The following CPD variants were observed in gnomAD, a reference collection of about 807,000 sequenced individuals.
The protein encoded by CPD is carboxypeptidase D.
In CPD, 69 loss-of-function variants were observed where a neutral mutation model predicts 138.3. The ratio of observed to expected loss-of-function variants is 0.50; its 90% CI spans 0.41 to 0.61. The LOEUF (loss-of-function observed/expected upper bound fraction) is 0.61, where lower values mean the gene tolerates loss of function less well. Ranked by LOEUF, CPD falls within the 20% of genes least tolerant of loss-of-function variation. The pLI, the probability that CPD is intolerant of heterozygous loss-of-function variation, is 0.00. For missense variants in CPD, 1,432 were observed against 1,733.3 expected, an observed-to-expected ratio of 0.83 and a Z score of 3.09; for synonymous variants, 651 against 642.1, an observed-to-expected ratio of 1.01 and a Z score of -0.21.
At chr17:30,427,287 A>G (rs1196551516) in intron 6 of CPD, 104 bp from the exon 7 acceptor site, 3 of 935,156 alleles carry the variant, frequency 3.2e-6, no homozygotes, top group Non-Finnish European at 5.0e-6. Context: ...GCGAAGCCTG[A>G]TGTGTTCACA....
At chr17:30,458,887 A>G (rs1039358684) in intron 17 of CPD, among the ~76,000 whole-genome samples, 38 of 151,924 alleles carry the variant, frequency 2.5e-4, no homozygotes, top group Non-Finnish European at 4.9e-4. Context: ...AAAGAAAAAA[A>G]AGAGTTTTAT....
rs1227318438 is a variant in CPD at position 30,420,874 on chromosome 17, A to G, written c.1028A>G (p.Asn343Ser). 1 of 1,612,774 alleles carries G rather than the reference A, an allele frequency of 6.2e-7. No individual in the cohort carries two copies. Among genetic ancestry groups the G allele is most frequent in the Non-Finnish European group, 8.5e-7 (1 of 1,179,144 alleles). The change falls in exon 3 of 21, where the codon AAC (asparagine) becomes AGC (serine). Residue 343 changes from asparagine to serine, a missense_variant. Transcript: ENST00000225719. ...GMQDYNYVWA[N>S]CFEITLELSC... ...CAAGATTACAATTATGTGTGGGCCA[A>G]CTGTTTTGAGATCACATTAGAACTG... is the stretch of plus-strand genomic sequence containing the variant.
chr17:30,455,395 G>A lies in CPD; in HGVS notation c.3262G>A (p.Asp1088Asn). The stretch of plus-strand genomic sequence containing the variant: ...CATTGAAAATTTGATTCAAAAACAG[G>A]ACTTTAGTCTTTCTGTTGCCTTAGA... ...AIIENLIQKQ[D>N]FSLSVALDGG... The change falls in exon 15 of 21, where the codon GAC becomes AAC. Residue 1088 changes from aspartate to asparagine, a missense_variant. Asp to Asn is a conservative substitution (Grantham distance 23). This residue lies in a region of CPD where 366 missense variants were observed against 518.8 expected (regional missense o/e 0.71). Transcript: ENST00000225719. The A allele has an allele frequency of 6.2e-7, 1 of 1,613,676 alleles. No homozygotes were observed. The highest frequency in any genetic ancestry group is 2.2e-5 in the East Asian group (1 of 44,812).
At chr17:30,414,482 C>T (rs1912052414) in intron 2 of CPD, among the ~76,000 whole-genome samples, 1 of 151,828 alleles carries the variant, frequency 6.6e-6, no homozygotes, top group Non-Finnish European at 1.5e-5. Context: ...ACTCGGGAAG[C>T]TGAGGCAGGA....
chr17:30,381,845 G>GTTA (rs147012394), intron 1 of CPD, among the ~76,000 whole-genome samples: 4,316 of 152,128 alleles, frequency 0.028, 199 homozygotes, highest in African/African-American at 0.098. Context: ...GATTTTTGTT[G>GTTA]TTATTTCGAA....
intron 7 of CPD, among the ~76,000 whole-genome samples, chr17:30,428,249 A>G (rs995663423): frequency 3.3e-5 from 5 of 152,208 alleles, no homozygotes; most frequent in African/African-American, 7.2e-5. Flanking sequence ...AATCGCCACA[A>G]TGTCCAACTA....
chr17:30,408,802 T>C (rs138456164), intron 2 of CPD, among the ~76,000 whole-genome samples: 4,348 of 152,216 alleles, frequency 0.029, 205 homozygotes, highest in African/African-American at 0.099. Context: ...CCTTTATTTC[T>C]TTCTCTTGCC....
At chr17:30,460,793 A>T (rs1413426986) in intron 17 of CPD, among the ~76,000 whole-genome samples, 1 of 152,190 alleles carries the variant, frequency 6.6e-6, no homozygotes, top group Non-Finnish European at 1.5e-5. Flanking sequence ...GAGAGAGCTG[A>T]TGATCATTAT....
intron 8 of CPD, among the ~76,000 whole-genome samples, chr17:30,435,817 C>T (rs141501754): frequency 7.9e-5 from 12 of 152,274 alleles, no homozygotes; most frequent in Admixed American, 5.9e-4. Context: ...GCCATTCTCC[C>T]TCTGAAACTG....
intron 2 of CPD, among the ~76,000 whole-genome samples, chr17:30,392,132 C>G (rs1911375233): frequency 6.6e-6 from 1 of 151,662 alleles, no homozygotes; most frequent in African/African-American, 2.4e-5. Context: ...GCCTCAGCCT[C>G]CCAGTTAGCT....
chr17:30,379,035 C>T lies in CPD; in HGVS notation c.55C>T (p.Leu19Phe). The change falls in exon 1 of 21, where the codon CTC (leucine) becomes TTC (phenylalanine). Residue 19 changes from leucine (L) to phenylalanine (F), a missense_variant. Physicochemically the swap from Leu to Phe is conservative, Grantham distance 22. This residue lies in a region of CPD where 484 missense variants were observed against 477.2 expected (regional missense o/e 1.01). Coordinates refer to ENST00000225719, the MANE Select transcript of CPD (RefSeq NM_001304.5). The surrounding 1 kb of genome is among the most constrained non-coding windows in gnomAD (Gnocchi z 7.0). ...PPWRLGRLLL[L>F]MCLLLLGSSA... Reference sequence around the variant, plus strand: ...TTGGCGGCTAGGGCGGCTCCTGTTGCTCATGTGCCTGCTGCTGCTGGGGAG... The same window carrying T: ...TTGGCGGCTAGGGCGGCTCCTGTTGTTCATGTGCCTGCTGCTGCTGGGGAG... 1.3e-6 allele frequency: 2 copies of T among 1,560,666 alleles called. No homozygotes were observed. The highest frequency in any genetic ancestry group is 1.7e-6 in the Non-Finnish European group (2 of 1,161,232).
At chr17:30,420,480 T>G (rs950653079) in intron 2 of CPD, among the ~76,000 whole-genome samples, 16 of 152,316 alleles carry the variant, frequency 1.1e-4, no homozygotes, top group African/African-American at 3.8e-4. Flanking sequence ...CTCATATAAT[T>G]GCTGTAAAGA....
chr17:30,380,519 A>C lies in CPD; in HGVS notation c.746+793A>C. The C allele has an allele frequency of 2.2e-6, 3 of 1,388,550 alleles. No individual in the cohort carries two copies. The South Asian group carries it at 5.1e-5, about 23-fold the overall frequency. The allele number at this position is 1,388,550 out of a possible 1,614,324, so 86.0% of individuals were successfully genotyped here. A position where few individuals can be genotyped will look rare whatever the true frequency, so the allele number is the denominator to read the frequency against. On this transcript the variant is annotated intron_variant, in intron 1 of 20. Transcript: ENST00000225719. Reference sequence around the variant, plus strand: ...AGCCTGGGCAGAATGGCTAATGGTCACACTTCTAATACACACTTTAAGTGT... The same window carrying C: ...AGCCTGGGCAGAATGGCTAATGGTCCCACTTCTAATACACACTTTAAGTGT...
chr17:30,403,827 A>G (rs1911737140), intron 2 of CPD, among the ~76,000 whole-genome samples: 1 of 152,236 alleles, frequency 6.6e-6, no homozygotes, highest in African/African-American at 2.4e-5. Flanking sequence ...ATTAAGATCT[A>G]TGCACAGCTT....
At chr17:30,459,374 C>G (rs1204767247) in intron 17 of CPD, among the ~76,000 whole-genome samples, 1 of 149,978 alleles carries the variant, frequency 6.7e-6, no homozygotes, top group Non-Finnish European at 1.5e-5. Context: ...TGCTATCCCT[C>G]CCCCGACCCC....
In CPD at chr17:30,385,060, A is replaced by G. The variant is rs1298263187; in HGVS notation, c.818A>G (p.His273Arg). ...TATCCTTTTGATGATTCTCCAGAAC[A>G]TAAGGCCACTGGAATCTATAGCAAA... is the stretch of plus-strand genomic sequence containing the variant. ...ASYPFDDSPE[H>R]KATGIYSKTS... is the part of the protein sequence containing the mutation. Residue 273 changes from histidine to arginine, a missense_variant, in exon 2 of 21, where the codon CAT becomes CGT. By Grantham distance (29) the His-to-Arg change is conservative. Around this residue, in one of 6 missense-constraint regions of CPD, gnomAD observed 484 missense variants for 477.2 expected, o/e 1.01. Transcript: ENST00000225719. 6.2e-7 allele frequency: 1 copy of G among 1,613,988 alleles called. No individual in the cohort carries two copies. The highest frequency in any genetic ancestry group is 8.5e-7 in the Non-Finnish European group (1 of 1,179,972).
intron 2 of CPD, among the ~76,000 whole-genome samples, chr17:30,403,308 G>A (rs1911724755): frequency 6.6e-6 from 1 of 152,104 alleles, no homozygotes; most frequent in Non-Finnish European, 1.5e-5. Flanking sequence ...GTGCTGGGCA[G>A]TAACCTGTTT....
chr17:30,432,215 C>T (rs1222716744), intron 8 of CPD, among the ~76,000 whole-genome samples: 1 of 152,166 alleles, frequency 6.6e-6, no homozygotes, highest in Non-Finnish European at 1.5e-5. Flanking sequence ...AAATCTTGCC[C>T]ACCACCTGTT....
intron 6 of CPD, 126 bp from the exon 7 acceptor site, chr17:30,427,264 GT>G (rs1912440982): frequency 2.8e-6 from 2 of 711,038 alleles, no homozygotes; most frequent in East Asian, 5.4e-5. Flanking sequence ...ATAATCATAG[GT>G]GATTGATAAT....
Sources: gnomAD v4.1 joint callset for allele counts (sites outside exome capture counted in the v4.1 genomes callset) on GRCh38, gnomAD v4.1.1 for gene constraint, gnomAD v4.1.1 regional missense constraint, Gnocchi (gnomAD v3.1) non-coding constraint, MANE v1.5 for transcripts, NCBI Gene and HGNC (gene_info 2026-07-23, HGNC 2026-07-21) for gene names.